Variants in ARHGAP24 observed in about 807,000 individuals in gnomAD.
ARHGAP24 encodes the protein rho GTPase-activating protein 24.
ARHGAP24 carries 50 observed loss-of-function variants against 76.4 expected under a neutral mutation model. The ratio of observed to expected loss-of-function variants is 0.65; its 90% CI spans 0.52 to 0.83. The LOEUF (loss-of-function observed/expected upper bound fraction) is 0.83. ARHGAP24 is among the 40% of genes least tolerant of loss of function. The probability of loss-of-function intolerance (pLI) is 0.00; values close to 1 mark genes in which losing one functional copy is unlikely to be tolerated. For missense variants in ARHGAP24, 930 were observed against 914.2 expected (o/e 1.02, Z -0.22); for synonymous variants, 345 against 323.3 (o/e 1.07, Z -0.72).
intron 2 of ARHGAP24, among the ~76,000 whole-genome samples, chr4:85,643,234 G>GTGTGTGTTTTTTTTT (rs1721592505): frequency 3.7e-5 from 2 of 54,628 alleles, no homozygotes; most frequent in African/African-American, 1.2e-4. Context: ...GTTTTTTTGT[G>GTGTGTGTTTTTTTTT]TTTTTTTTTT....
intron 2 of ARHGAP24, among the ~76,000 whole-genome samples, chr4:85,698,265 A>G (rs1723942526): frequency 6.6e-6 from 1 of 152,166 alleles, no homozygotes; most frequent in African/African-American, 2.4e-5. Context: ...TGCTGGACCC[A>G]TGGAAGGTTG....
At chr4:85,486,768 A>G (rs1315820094) in intron 1 of ARHGAP24, among the ~76,000 whole-genome samples, 1 of 152,182 alleles carries the variant, frequency 6.6e-6, no homozygotes. Flanking sequence ...CATTCAATGT[A>G]ACTAAACATT....
rs564792455 is a variant in ARHGAP24, at chr4:85,773,660, GTCT to G, written c.268+51696_268+51698del. Among the ~76,000 whole-genome samples the G allele has an allele frequency of 2.6e-4, 40 of 152,254 alleles. No individual in the cohort carries two copies. In the South Asian group the frequency reaches 6.8e-3, roughly 26 times the overall value. On this transcript the variant is annotated intron_variant, in intron 3 of 9. Transcript: ENST00000395184. ...ACCTCCATTTCTGAGGCAAGAGTTAGTCTTCTTCTTTGTACCCAAGCATTTGGC... is the reference window on the plus strand; with the variant it reads ...ACCTCCATTTCTGAGGCAAGAGTTAGTCTTCTTTGTACCCAAGCATTTGGC...
intron 4 of ARHGAP24, among the ~76,000 whole-genome samples, chr4:85,926,724 G>C (rs1005077806): frequency 6.6e-6 from 1 of 151,810 alleles, no homozygotes; most frequent in Non-Finnish European, 1.5e-5. Context: ...CTTTTCTGCC[G>C]ATTTGCAATA....
intron 2 of ARHGAP24, among the ~76,000 whole-genome samples, chr4:85,607,182 G>A (rs1436178943): frequency 6.7e-6 from 1 of 149,090 alleles, no homozygotes; most frequent in Non-Finnish European, 1.5e-5. Context: ...GTCTGTATCA[G>A]GGCCAGAATG....
intron 2 of ARHGAP24, among the ~76,000 whole-genome samples, chr4:85,658,368 C>T (rs1578116677): frequency 6.6e-6 from 1 of 152,056 alleles, no homozygotes; most frequent in African/African-American, 2.4e-5. Flanking sequence ...TCATAAAAAC[C>T]AATTAAAAGA....
chr4:85,774,444 C>T (rs186754209), intron 3 of ARHGAP24, among the ~76,000 whole-genome samples: 1 of 152,282 alleles, frequency 6.6e-6, no homozygotes, highest in Non-Finnish European at 1.5e-5. Context: ...CAAGAGTTGG[C>T]AGGTGAGGGC....
intron 2 of ARHGAP24, among the ~76,000 whole-genome samples, chr4:85,645,932 A>G (rs991558953): frequency 2.6e-5 from 4 of 152,100 alleles, no homozygotes; most frequent in African/African-American, 9.7e-5. Context: ...GTATCAAATC[A>G]TAGATGTTAG....
In ARHGAP24 at chr4:85,846,285, C is replaced by T. The variant is rs145622399; in HGVS notation, c.269-77363C>T. ...ATTACTTACATGTCTAAAAGCCACA[C>T]GCACAAAAAAGCTGCCTTCCCACAA... On this transcript the variant is annotated intron_variant, in intron 3 of 9. Transcript: ENST00000395184. Among the ~76,000 whole-genome samples the T allele has an allele frequency of 1.8e-3, 280 of 152,286 alleles. 6 individuals carry two copies. The East Asian group carries it at 0.021, about 12-fold the overall frequency.
intron 3 of ARHGAP24, among the ~76,000 whole-genome samples, chr4:85,761,052 G>A (rs189130626): frequency 1.7e-4 from 26 of 152,230 alleles, no homozygotes; most frequent in Admixed American, 1.1e-3. Context: ...ACTGTCGACA[G>A]GAAAAATGAA....
chr4:85,878,194 T>C (rs1293371941), intron 3 of ARHGAP24, among the ~76,000 whole-genome samples: 1 of 152,132 alleles, frequency 6.6e-6, no homozygotes. Flanking sequence ...GATTAGTTGA[T>C]AGATGGTGAT....
chr4:85,859,212 T>TACACACACACACACACAC (rs10645010), intron 3 of ARHGAP24, among the ~76,000 whole-genome samples: 2,445 of 145,440 alleles, frequency 0.017, 34 homozygotes, highest in East Asian at 0.054. Context: ...GCCACATGCA[T>TACACACACACACACACAC]ACACACACAC....
chr4:85,666,102 G>A (rs946253453), intron 2 of ARHGAP24, among the ~76,000 whole-genome samples: 64 of 152,294 alleles, frequency 4.2e-4, no homozygotes, highest in Middle Eastern at 6.8e-3. Flanking sequence ...ATAATATCCT[G>A]CAGAGTGTTT....
At chr4:85,492,926 T>C (rs191118206) in intron 1 of ARHGAP24, among the ~76,000 whole-genome samples, 5 of 152,302 alleles carry the variant, frequency 3.3e-5, no homozygotes, top group Admixed American at 2.6e-4. Context: ...TACACAACAT[T>C]TATTTGTCAT....
chr4:85,841,116 G>T (rs551671730), intron 3 of ARHGAP24, among the ~76,000 whole-genome samples: 2 of 152,086 alleles, frequency 1.3e-5, no homozygotes, highest in South Asian at 4.1e-4. Context: ...TGCTCAGTAG[G>T]CTATTTCCAT....
chr4:85,894,371 C>G (rs1401964087), intron 3 of ARHGAP24, among the ~76,000 whole-genome samples: 2 of 152,012 alleles, frequency 1.3e-5, no homozygotes, highest in Non-Finnish European at 2.9e-5. Context: ...ACCAAAAGGA[C>G]AGGATGAGGA....
In ARHGAP24 at chr4:85,923,726, G is replaced by A. The variant is rs1327921285; in HGVS notation, c.347G>A (p.Trp116Ter). 1 of 1,613,860 alleles carries A rather than the reference G, an allele frequency of 6.2e-7. No individual in the cohort carries two copies. Among genetic ancestry groups the A allele is most frequent in the Admixed American group, 1.7e-5 (1 of 59,946 alleles). The change falls in exon 4 of 10, where the codon TGG becomes TAG. Residue 116 changes from tryptophan to a stop codon, truncating the protein, a stop_gained. Transcript: ENST00000395184. LOFTEE classifies it high-confidence loss of function. ...MASTQNDMEDWVKSIRRVIWG... is the reference protein window; with the variant it reads ...MASTQNDMED ...AGCACCCAGAATGATATGGAAGACTGGGTGAAGTCAATCCGCCGAGTCATA... is the reference window on the plus strand; with the variant it reads ...AGCACCCAGAATGATATGGAAGACTAGGTGAAGTCAATCCGCCGAGTCATA...
intron 2 of ARHGAP24, among the ~76,000 whole-genome samples, chr4:85,609,688 G>C (rs184645191): frequency 8.1e-4 from 124 of 152,188 alleles, no homozygotes; most frequent in Non-Finnish European, 1.6e-3. Flanking sequence ...TACAGTTTTA[G>C]ATCATTTTTA....
At chr4:85,537,766 G>T (rs1027288236) in intron 1 of ARHGAP24, among the ~76,000 whole-genome samples, 3 of 152,098 alleles carry the variant, frequency 2.0e-5, no homozygotes, top group Non-Finnish European at 4.4e-5. Context: ...ATTGCAGATT[G>T]CCCCTAGAGA....
Sources: allele counts gnomAD v4.1 joint callset (sites outside exome capture counted in the v4.1 genomes callset), GRCh38; gene constraint gnomAD v4.1.1; transcripts MANE v1.5; gene names NCBI Gene and HGNC (gene_info 2026-07-23, HGNC 2026-07-21).